CDH7: variants seen among roughly 807,000 people sequenced by gnomAD.
CDH7 encodes the protein cadherin-7.
A neutral mutation model predicts 71.8 loss-of-function variants in CDH7; 25 were observed. That is an observed-to-expected ratio of 0.35 (90% CI 0.25 to 0.49). The LOEUF (loss-of-function observed/expected upper bound fraction) is 0.49, where lower values mean the gene tolerates loss of function less well. Among genes scored for constraint, CDH7 ranks in the 20% least tolerant of loss-of-function variants. The pLI is 0.99. For synonymous variants in CDH7, 381 were observed against 363.8 expected (o/e 1.05, Z -0.54); for missense variants, 862 against 974.6 (o/e 0.88, Z 1.54).
intron 2 of CDH7, among the ~76,000 whole-genome samples, chr18:65,787,850 C>T (rs537335570): frequency 6.6e-6 from 1 of 152,094 alleles, no homozygotes; most frequent in South Asian, 2.1e-4. Context: ...CAGGACTATT[C>T]AGTCAGTAGA....
At chr18:65,868,263 G>T (rs73545357) in intron 11 of CDH7, among the ~76,000 whole-genome samples, 8,838 of 152,208 alleles carry the variant, frequency 0.058, 311 homozygotes, top group Middle Eastern at 0.078. Flanking sequence ...CGTACTATGT[G>T]CTAGACATCA....
intron 11 of CDH7, among the ~76,000 whole-genome samples, chr18:65,864,467 ATTC>A (rs1256233533): frequency 6.6e-6 from 1 of 151,228 alleles, no homozygotes; most frequent in Admixed American, 6.6e-5. Context: ...TAAGACAAGT[ATTC>A]TTCTTCCAAT....
intron 2 of CDH7, among the ~76,000 whole-genome samples, chr18:65,806,371 G>GT (rs1911321935): frequency 6.6e-6 from 1 of 151,822 alleles, no homozygotes; most frequent in Non-Finnish European, 1.5e-5. Context: ...GGCAGTAAAG[G>GT]TAAGTTTTGT....
At chr18:65,762,085 A>G (rs2143786226) in intron 1 of CDH7, among the ~76,000 whole-genome samples, 1 of 152,332 alleles carries the variant, frequency 6.6e-6, no homozygotes, top group Middle Eastern at 3.4e-3. Flanking sequence ...ACCACAATCA[A>G]ATCAGAACAC....
At chr18:65,874,258 T>A (rs1198088829) in intron 11 of CDH7, among the ~76,000 whole-genome samples, 1 of 152,202 alleles carries the variant, frequency 6.6e-6, no homozygotes, top group Non-Finnish European at 1.5e-5. Context: ...TTTATCCAAT[T>A]TGGTTTTAAA....
rs1202726480 is a variant in CDH7, at chr18:65,862,711, A to G, written c.1658A>G (p.Gln553Arg). 1 of 1,614,048 alleles carries G rather than the reference A, an allele frequency of 6.2e-7. No individual in the cohort carries two copies. Among genetic ancestry groups the G allele is most frequent in the Non-Finnish European group, 8.5e-7 (1 of 1,179,986 alleles). ...ILTRRNGFRRQEQSVYYLPIF... is the reference protein window; with the variant it reads ...ILTRRNGFRRREQSVYYLPIF... ...ACCAGGAGAAACGGCTTCCGGAGAC[A>G]GGAACAATCAGTTTACTATCTGCCA... The change falls in exon 11 of 12, where the codon CAG becomes CGG. Residue 553 changes from glutamine to arginine, a missense_variant. By Grantham distance (43) the Gln-to-Arg change is conservative. Transcript: ENST00000397968.
rs115235550 is a variant in CDH7, at chr18:65,855,747, G to C, written c.1236-2069G>C. On this transcript the variant is annotated intron_variant, in intron 7 of 11. Transcript: ENST00000397968. Reference sequence around the variant, plus strand: ...GGAATGCATCCCAACTTTTTTACAAGTACAGCCTTATTCTTACTACCAAAA... The same window carrying C: ...GGAATGCATCCCAACTTTTTTACAACTACAGCCTTATTCTTACTACCAAAA... Among the ~76,000 whole-genome samples the C allele has an allele frequency of 6.9e-3, 1,054 of 152,166 alleles. 16 individuals are homozygous for C. Among genetic ancestry groups the C allele is most frequent in the African/African-American group, 0.024 (1,017 of 41,520 alleles).
At chr18:65,815,887 A>T (rs1911707378) in intron 4 of CDH7, among the ~76,000 whole-genome samples, 1 of 152,196 alleles carries the variant, frequency 6.6e-6, no homozygotes, top group Non-Finnish European at 1.5e-5. Context: ...ACCTAAAAAG[A>T]CATTGACAAG....
rs10084085 is a variant in CDH7 at position 65,811,127 on chromosome 18, T to C, written c.505+1129T>C. On this transcript the variant is annotated intron_variant, in intron 3 of 11. Transcript: ENST00000397968. ...TGCTGTTTTTAATATTGAGAGTTTA[T>C]TTAAAATAATAATGGAACTTGTATT... 3.5e-3 allele frequency among the ~76,000 whole-genome samples: 525 copies of C among 151,996 alleles called. 1 individual carries two copies. The highest frequency in any genetic ancestry group is 0.012 in the African/African-American group (500 of 41,468).
chr18:65,778,199 G>A (rs1910024191), intron 2 of CDH7, among the ~76,000 whole-genome samples: 1 of 148,728 alleles, frequency 6.7e-6, no homozygotes, highest in Non-Finnish European at 1.5e-5. Context: ...TTGAACCCAG[G>A]AGGGAGAGGT....
chr18:65,757,742 T>C (rs1282275992), intron 1 of CDH7, among the ~76,000 whole-genome samples: 1 of 151,924 alleles, frequency 6.6e-6, no homozygotes, highest in Non-Finnish European at 1.5e-5. Flanking sequence ...TCCAAAAGTT[T>C]GTAAAGATCT....
intron 11 of CDH7, among the ~76,000 whole-genome samples, chr18:65,879,376 C>T (rs538081978): frequency 1.3e-5 from 2 of 152,126 alleles, no homozygotes; most frequent in South Asian, 2.1e-4. Context: ...AGAAAAAAAT[C>T]GTAAGCTGAT....
chr18:65,814,203 A>G (rs1023333044), intron 3 of CDH7, among the ~76,000 whole-genome samples: 3 of 152,036 alleles, frequency 2.0e-5, no homozygotes, highest in African/African-American at 4.8e-5. Flanking sequence ...GTCCCATCCA[A>G]TTCAGAGTAT....
At chr18:65,858,877 C>T (rs1435130751) in intron 8 of CDH7, 48 bp from the exon 9 acceptor site, 1 of 1,567,624 alleles carries the variant, frequency 6.4e-7, no homozygotes, top group Non-Finnish European at 8.7e-7. Flanking sequence ...TAGAATTGTG[C>T]TTTAGATGGG....
At chr18:65,785,403 G>T (rs1333506754) in intron 2 of CDH7, among the ~76,000 whole-genome samples, 23 of 151,990 alleles carry the variant, frequency 1.5e-4, no homozygotes, top group Admixed American at 1.5e-3. Context: ...AATATGTCTG[G>T]TTAAAGTTGT....
At chr18:65,879,963 C>G (rs1172390361) in intron 11 of CDH7, among the ~76,000 whole-genome samples, 1 of 152,164 alleles carries the variant, frequency 6.6e-6, no homozygotes, top group Non-Finnish European at 1.5e-5. Flanking sequence ...TGACCGAGTG[C>G]TATAAACCAT....
chr18:65,752,576 G>A (rs1404280283), intron 1 of CDH7, among the ~76,000 whole-genome samples: 1 of 152,186 alleles, frequency 6.6e-6, no homozygotes, highest in Non-Finnish European at 1.5e-5. Context: ...AAGGGGAAAT[G>A]CATGAAGAAT....
chr18:65,874,253 C>T (rs1473867015), intron 11 of CDH7, among the ~76,000 whole-genome samples: 2 of 152,002 alleles, frequency 1.3e-5, no homozygotes, highest in Non-Finnish European at 2.9e-5. Flanking sequence ...ATAAATTTAT[C>T]CAATTTGGTT....
chr18:65,802,292 A>T (rs1335443035), intron 2 of CDH7, among the ~76,000 whole-genome samples: 1 of 152,216 alleles, frequency 6.6e-6, no homozygotes, highest in East Asian at 1.9e-4. Context: ...AATGCAATAA[A>T]AATAAATTTC....
Sources: allele counts gnomAD v4.1 joint callset (sites outside exome capture counted in the v4.1 genomes callset), GRCh38; gene constraint gnomAD v4.1.1; transcripts MANE v1.5; gene names NCBI Gene and HGNC (gene_info 2026-07-23, HGNC 2026-07-21).